EBF4: variants seen among roughly 807,000 people sequenced by gnomAD.
EBF4 encodes the protein EBF transcription factor 4.
Under a neutral mutation model 67.1 loss-of-function variants are expected in EBF4, and 34 were observed. The observed-to-expected ratio is 0.51, with a 90% CI of 0.39 to 0.67. The LOEUF is 0.67. Among genes scored for constraint, EBF4 ranks in the 30% least tolerant of loss-of-function variants. The pLI is 0.00. For synonymous variants in EBF4, 387 were observed against 377.7 expected (o/e 1.02, Z -0.29); for missense variants, 837 against 873.3 (o/e 0.96, Z 0.52).
chr20:2,746,579 G>A (rs1479594309), intron 6 of EBF4, among the ~76,000 whole-genome samples: 3 of 152,158 alleles, frequency 2.0e-5, no homozygotes, highest in African/African-American at 7.2e-5. Flanking sequence ...CCCAGCACTT[G>A]GTGACCTCCT....
chr20:2,738,106 T>C (rs2087915816), intron 6 of EBF4, among the ~76,000 whole-genome samples: 1 of 152,158 alleles, frequency 6.6e-6, no homozygotes, highest in African/African-American at 2.4e-5. Context: ...CTTAATCTTC[T>C]GTCTGTTCTC....
In EBF4 at chr20:2,721,803, T is replaced by C. The variant is rs145734749; in HGVS notation, c.557+12161T>C. 2.8e-4 allele frequency among the ~76,000 whole-genome samples: 42 copies of C among 152,284 alleles called. No individual in the cohort carries two copies. The East Asian group carries it at 8.1e-3, about 29-fold the overall frequency. ...TATAAAACACAGTTATAATAACTCT[T>C]CTATTATATTTTTCTGCTGATTCTA... On this transcript the variant is annotated intron_variant, in intron 6 of 16. Coordinates refer to ENST00000609451, the Ensembl canonical transcript of EBF4.
Position 2,751,173 on chromosome 20 carries a change from A to G in EBF4, c.1019-527A>G, listed in dbSNP as rs2088139349. Among the ~76,000 whole-genome samples, 3 of 152,060 alleles carry G rather than the reference A, an allele frequency of 2.0e-5. No individual in the cohort carries two copies. The South Asian group carries it at 6.2e-4, about 32-fold the overall frequency. On this transcript the variant is annotated intron_variant, in intron 10 of 16. Coordinates refer to ENST00000609451, the Ensembl canonical transcript of EBF4. The surrounding 1 kb of genome is among the most constrained non-coding windows in gnomAD (Gnocchi z 5.2). Reference sequence around the variant, plus strand: ...TCTGGCCGCTGGCCGGATCTTCTCTACTTCCATCCTCCCGCCCCAGCCCAA... The same window carrying G: ...TCTGGCCGCTGGCCGGATCTTCTCTGCTTCCATCCTCCCGCCCCAGCCCAA...
intron 6 of EBF4, among the ~76,000 whole-genome samples, chr20:2,746,796 A>G (rs1358654389): frequency 6.6e-6 from 1 of 152,188 alleles, no homozygotes; most frequent in Non-Finnish European, 1.5e-5. Flanking sequence ...TATGGTAAAA[A>G]TATCTCCCAA....
At chr20:2,722,485 G>A (rs1004086249) in intron 6 of EBF4, among the ~76,000 whole-genome samples, 1 of 152,122 alleles carries the variant, frequency 6.6e-6, no homozygotes, top group Non-Finnish European at 1.5e-5. Flanking sequence ...GTTCAAGGAG[G>A]TTCCTCCGCA....
chr20:2,737,107 G>T lies in EBF4; in HGVS notation c.558-11442G>T, dbSNP rs982642138. The stretch of plus-strand genomic sequence containing the variant: ...TACTAAAAATACCAAAAAATTAGCC[G>T]GGCGTGGTGGCGGGCGCCTGTAGTC... On this transcript the variant is annotated intron_variant, in intron 6 of 16. Coordinates refer to ENST00000609451, the Ensembl canonical transcript of EBF4. Among the ~76,000 whole-genome samples, 5 of 150,886 alleles carry T rather than the reference G, an allele frequency of 3.3e-5. No homozygotes were observed. The South Asian group carries it at 1.1e-3, about 32-fold the overall frequency.
chr20:2,734,298 A>G (rs2087850948), intron 6 of EBF4, among the ~76,000 whole-genome samples: 1 of 152,144 alleles, frequency 6.6e-6, no homozygotes, highest in African/African-American at 2.4e-5. Context: ...AGTCCCAGCT[A>G]CTTGGGAACT....
chr20:2,706,037 G>A, exon 3 of EBF4: 2 of 1,551,602 alleles, frequency 1.3e-6, no homozygotes, highest in Non-Finnish European at 1.7e-6. Context: ...GTATAACAAT[G>A]GTGAGTGGAG....
rs577842071 is a variant in EBF4 at position 2,755,954 on chromosome 20, G to A, written c.1738+130G>A. 24 of 969,816 alleles carry A rather than the reference G, an allele frequency of 2.5e-5. No individual in the cohort carries two copies. Among genetic ancestry groups the A allele is most frequent in the Middle Eastern group, 3.3e-4 (1 of 3,034 alleles). The allele number at this position is 969,816 out of a possible 1,614,324, so 60.1% of individuals were successfully genotyped here. A position where few individuals can be genotyped will look rare whatever the true frequency, so the allele number is the denominator to read the frequency against. On this transcript the variant is annotated intron_variant, in intron 15 of 16. Transcript: ENST00000609451. The surrounding 1 kb of genome is among the most constrained non-coding windows in gnomAD (Gnocchi z 4.7). ...GGCTAACCTGCTCTTCTTGGAGGAC[G>A]GAGAGCAGGGAGCTCTGCTGGGGTC...
At chr20:2,738,495 A>G (rs1241001369) in intron 6 of EBF4, among the ~76,000 whole-genome samples, 1 of 152,112 alleles carries the variant, frequency 6.6e-6, no homozygotes. Flanking sequence ...GCATGTGTAC[A>G]TCTGTGTCCA....
At chr20:2,706,375 G>A (rs2087459561) in intron 4 of EBF4, 111 bp downstream of exon 4, 37 of 1,272,626 alleles carry the variant, frequency 2.9e-5, no homozygotes, top group Middle Eastern at 1.9e-4. Context: ...TATGCCCTCC[G>A]TCCCCATCAG....
chr20:2,755,295 T>G lies in EBF4; in HGVS notation c.1541-332T>G. ...CCTAGCATCTCAGAATCCCAGGGGT[T>G]TTCAGCAGAAATCCTGAAGTAGTCC... On this transcript the variant is annotated intron_variant, in intron 14 of 16. Transcript: ENST00000609451. This position sits in a 1 kb window ranked among gnomAD's most constrained non-coding sequence, Gnocchi z 4.7. 3.1e-6 allele frequency: 1 copy of G among 318,088 alleles called. No individual in the cohort carries two copies. The highest frequency in any genetic ancestry group is 5.6e-5 in the South Asian group (1 of 17,718). The allele number at this position is 318,088 out of a possible 1,614,324, so 19.7% of individuals were successfully genotyped here. A position where few individuals can be genotyped will look rare whatever the true frequency, so the allele number is the denominator to read the frequency against.
At chr20:2,753,516 C>T (rs2088190950) in intron 14 of EBF4, among the ~76,000 whole-genome samples, 2 of 152,238 alleles carry the variant, frequency 1.3e-5, no homozygotes, top group South Asian at 2.1e-4. Flanking sequence ...TGGGGGATCC[C>T]CCCACTCCTG....
At chr20:2,752,602 A>C in intron 14 of EBF4, 57 bp downstream of exon 14, 1 of 1,190,938 alleles carries the variant, frequency 8.4e-7, no homozygotes. Context: ...AACGGGACTC[A>C]GCCCCGCCCC....
In EBF4 at chr20:2,752,134, AC is replaced by A; in HGVS notation, c.1228del (p.Arg410AlafsTer137). 27 of 1,448,824 alleles carry A rather than the reference AC, an allele frequency of 1.9e-5. No individual in the cohort carries two copies. Among genetic ancestry groups the A allele is most frequent in the East Asian group, 6.0e-5 (2 of 33,106 alleles). The allele number at this position is 1,448,824 out of a possible 1,614,324, so 89.7% of individuals were successfully genotyped here. A position where few individuals can be genotyped will look rare whatever the true frequency, so the allele number is the denominator to read the frequency against. ...GGACGTGGCCGAGGCTCTGTACAGC[AC>A]CCCCCGCGCACCCGGGCCGCTCGCA... On this transcript the variant is annotated frameshift_variant, in exon 13 of 17. Transcript: ENST00000609451. LOFTEE classifies it high-confidence loss of function.
intron 6 of EBF4, among the ~76,000 whole-genome samples, chr20:2,718,849 A>C (rs771304435): frequency 4.6e-5 from 7 of 151,898 alleles, no homozygotes; most frequent in Non-Finnish European, 1.0e-4. Context: ...CTGGTGTCTT[A>C]AGGTGGAAGC....
chr20:2,718,022 G>A (rs1442441593), intron 6 of EBF4, among the ~76,000 whole-genome samples: 2 of 152,058 alleles, frequency 1.3e-5, no homozygotes, highest in African/African-American at 2.4e-5. Flanking sequence ...TGTTGGTCAG[G>A]CTGGTCTCGA....
At chr20:2,716,238 A>AAT (rs1568572553) in intron 6 of EBF4, among the ~76,000 whole-genome samples, 1 of 151,118 alleles carries the variant, frequency 6.6e-6, no homozygotes, top group African/African-American at 2.4e-5. Context: ...AAAAAAAAAA[A>AAT]AATCCTTGCC....
Position 2,755,062 on chromosome 20 carries a change from G to C in EBF4, c.1541-565G>C, listed in dbSNP as rs908578066. The C allele has an allele frequency of 6.5e-6, 1 of 153,590 alleles. No individual in the cohort carries two copies. Among genetic ancestry groups the C allele is most frequent in the Non-Finnish European group, 1.4e-5 (1 of 69,264 alleles). 9.5% of individuals were successfully genotyped at this position (153,590 alleles called of 1,614,324 possible). A position where few individuals can be genotyped will look rare whatever the true frequency, so the allele number is the denominator to read the frequency against. On this transcript the variant is annotated intron_variant, in intron 14 of 16. Coordinates refer to ENST00000609451, the Ensembl canonical transcript of EBF4. The surrounding 1 kb of genome is among the most constrained non-coding windows in gnomAD (Gnocchi z 4.7). ...CCCCAGGGTGCAGGGGGAAGTGGGAGAGGGACAGAGGAGCATAGGGAACAT... is the reference window on the plus strand; with the variant it reads ...CCCCAGGGTGCAGGGGGAAGTGGGACAGGGACAGAGGAGCATAGGGAACAT...
Sources: gnomAD v4.1 joint callset for allele counts (sites outside exome capture counted in the v4.1 genomes callset) on GRCh38, gnomAD v4.1.1 for gene constraint, Gnocchi (gnomAD v3.1) non-coding constraint, MANE v1.5 for transcripts, NCBI Gene and HGNC (gene_info 2026-07-23, HGNC 2026-07-21) for gene names.